Variants in AFAP1 observed in about 807,000 individuals in gnomAD.
The protein encoded by AFAP1 is actin filament associated protein 1.
AFAP1 carries 75 observed loss-of-function variants against 93.9 expected under a neutral mutation model. The observed-to-expected ratio is 0.80, with a 90% CI of 0.66 to 0.97. The LOEUF (loss-of-function observed/expected upper bound fraction) is 0.97. AFAP1 is among the 50% of genes least tolerant of loss of function. The probability of loss-of-function intolerance (pLI) is 0.00; values close to 1 mark genes in which losing one functional copy is unlikely to be tolerated. For missense variants in AFAP1, 1,201 were observed against 1,050.8 expected (o/e 1.14, Z -1.98); for synonymous variants, 517 against 430.7 (o/e 1.20, Z -2.48).
At chr4:7,914,931 T>C (rs2149229759) in intron 1 of AFAP1, among the ~76,000 whole-genome samples, 1 of 152,208 alleles carries the variant, frequency 6.6e-6, no homozygotes, top group Non-Finnish European at 1.5e-5. Flanking sequence ...TATTTTTTAG[T>C]AGAGATGCGG....
At chr4:7,782,915 C>T (rs1475665110) in intron 12 of AFAP1, among the ~76,000 whole-genome samples, 1 of 152,026 alleles carries the variant, frequency 6.6e-6, no homozygotes, top group Non-Finnish European at 1.5e-5. Context: ...ATATATTTGT[C>T]CAGAGTTATT....
At chr4:7,878,362 C>T (rs1717640484) in intron 1 of AFAP1, among the ~76,000 whole-genome samples, 1 of 152,240 alleles carries the variant, frequency 6.6e-6, no homozygotes, top group Non-Finnish European at 1.5e-5. Flanking sequence ...GGAGTCCAGG[C>T]ATTCGGATCC....
In AFAP1 at chr4:7,873,254, A is replaced by C. The variant is rs796982762; in HGVS notation, c.-2-1174T>G. On this transcript the variant is annotated intron_variant, in intron 1 of 17. Transcript: ENST00000420658. ...GGAGACTCTGTCTCAAAAAAAAAAA[A>C]AAAAAAACCCCACTTTCACTTAGGA... Among the ~76,000 whole-genome samples the C allele has an allele frequency of 5.5e-4, 82 of 149,972 alleles. 2 individuals are homozygous for C. Among genetic ancestry groups the C allele is most frequent in the African/African-American group, 1.9e-3 (78 of 41,114 alleles).
chr4:7,797,123 A>G (rs1187678456), intron 10 of AFAP1, among the ~76,000 whole-genome samples: 2 of 152,132 alleles, frequency 1.3e-5, no homozygotes, highest in Non-Finnish European at 2.9e-5. Context: ...ATATAAACAA[A>G]CGAATAATTA....
chr4:7,879,390 C>T (rs1430641359), intron 1 of AFAP1, among the ~76,000 whole-genome samples: 1 of 152,190 alleles, frequency 6.6e-6, no homozygotes, highest in Non-Finnish European at 1.5e-5. Context: ...CATATCTACA[C>T]GTGAACCACC....
intron 12 of AFAP1, among the ~76,000 whole-genome samples, chr4:7,784,767 A>G (rs867369062): frequency 2.0e-5 from 3 of 152,202 alleles, no homozygotes; most frequent in Middle Eastern, 3.4e-3. Context: ...ACCTGCTTTC[A>G]GTTTGTTTAT....
chr4:7,888,107 G>T (rs768648106), intron 1 of AFAP1, among the ~76,000 whole-genome samples: 2 of 152,044 alleles, frequency 1.3e-5, no homozygotes, highest in Admixed American at 6.6e-5. Flanking sequence ...GATTACAGGC[G>T]TGAGCCACCA....
At chr4:7,828,499 G>A (rs138771208) in intron 6 of AFAP1, among the ~76,000 whole-genome samples, 9 of 152,190 alleles carry the variant, frequency 5.9e-5, no homozygotes, top group Admixed American at 1.3e-4. Context: ...AAGCGGTGAT[G>A]TAAGTCCAGT....
intron 12 of AFAP1, 28 bp downstream of exon 12, chr4:7,786,166 A>C: frequency 6.3e-7 from 1 of 1,597,854 alleles, no homozygotes; most frequent in Middle Eastern, 1.7e-4. Flanking sequence ...AACAAAACCA[A>C]CCATTACTCC....
intron 1 of AFAP1, among the ~76,000 whole-genome samples, chr4:7,919,666 G>A (rs1319613238): frequency 6.6e-6 from 1 of 151,906 alleles, no homozygotes; most frequent in Non-Finnish European, 1.5e-5. Context: ...TGGGGTACAC[G>A]TGCAGGATGT....
At chr4:7,936,244 C>T (rs971970230) in intron 1 of AFAP1, among the ~76,000 whole-genome samples, 13 of 152,158 alleles carry the variant, frequency 8.5e-5, no homozygotes, top group African/African-American at 2.9e-4. Flanking sequence ...GTGGCTTTAA[C>T]AAACTCAGGC....
intron 1 of AFAP1, among the ~76,000 whole-genome samples, chr4:7,920,651 C>T (rs1200227014): frequency 6.6e-6 from 1 of 152,224 alleles, no homozygotes; most frequent in Admixed American, 6.5e-5. Context: ...GGGTTACTAA[C>T]AAAGCTACCA....
At chr4:7,832,566 GGA>G (rs1464848307) in intron 6 of AFAP1, among the ~76,000 whole-genome samples, 2 of 151,892 alleles carry the variant, frequency 1.3e-5, no homozygotes, top group African/African-American at 4.8e-5. Flanking sequence ...CGGCAACGAT[GGA>G]CTAGGTGGGT....
intron 4 of AFAP1, among the ~76,000 whole-genome samples, chr4:7,849,184 G>C (rs1714149416): frequency 6.6e-6 from 1 of 152,168 alleles, no homozygotes; most frequent in Non-Finnish European, 1.5e-5. Context: ...CCATAAGCAG[G>C]AGACCCACCA....
intron 6 of AFAP1, among the ~76,000 whole-genome samples, chr4:7,825,702 C>CT (rs1161870207): frequency 6.6e-6 from 1 of 150,666 alleles, no homozygotes; most frequent in Non-Finnish European, 1.5e-5. Context: ...GCAAATTAAG[C>CT]TAAAAAAAAG....
chr4:7,928,382 G>A (rs1375361061), intron 1 of AFAP1, among the ~76,000 whole-genome samples: 3 of 151,994 alleles, frequency 2.0e-5, no homozygotes, highest in African/African-American at 2.4e-5. Flanking sequence ...TACTTTACTA[G>A]GTTTTGTTTT....
rs535973300 is a variant in AFAP1 at position 7,821,842 on chromosome 4, T to G, written c.727-2671A>C. Among the ~76,000 whole-genome samples the G allele has an allele frequency of 1.5e-4, 23 of 152,272 alleles. No individual in the cohort carries two copies. The East Asian group carries it at 4.4e-3, about 29-fold the overall frequency. ...ATAGTGTTTCCAGCCATTTTGCTCCTCAGCTGTTTTATGAAAAAACAACAG... is the reference window on the plus strand; with the variant it reads ...ATAGTGTTTCCAGCCATTTTGCTCCGCAGCTGTTTTATGAAAAAACAACAG... On this transcript the variant is annotated intron_variant, in intron 6 of 17. Transcript: ENST00000420658.
intron 3 of AFAP1, among the ~76,000 whole-genome samples, chr4:7,859,237 G>A (rs918426527): frequency 3.3e-5 from 5 of 152,154 alleles, no homozygotes; most frequent in African/African-American, 1.2e-4. Flanking sequence ...TGGCCAACAT[G>A]ATGAAACCCC....
chr4:7,899,857 A>AAAATAAATAAATAAAT (rs10523683), intron 1 of AFAP1, among the ~76,000 whole-genome samples: 79 of 149,278 alleles, frequency 5.3e-4, no homozygotes, highest in Admixed American at 1.1e-3. Flanking sequence ...GTGCTCTTTA[A>AAAATAAATAAATAAAT]AAATAAATAA....
Sources: allele counts gnomAD v4.1 joint callset (sites outside exome capture counted in the v4.1 genomes callset), GRCh38; gene constraint gnomAD v4.1.1; transcripts MANE v1.5; gene names NCBI Gene and HGNC (gene_info 2026-07-23, HGNC 2026-07-21).